Variants in RBFOX1 observed in about 807,000 individuals in gnomAD.
The protein encoded by RBFOX1 is RNA binding protein fox-1 homolog 1.
RBFOX1 carries 8 observed loss-of-function variants against 57.7 expected under a neutral mutation model. The observed-to-expected ratio is 0.14, with a 90% CI of 0.08 to 0.25. The LOEUF (loss-of-function observed/expected upper bound fraction) is 0.25, where lower values mean the gene tolerates loss of function less well. Among genes scored for constraint, RBFOX1 ranks in the 10% least tolerant of loss-of-function variants. The probability of loss-of-function intolerance (pLI) is 1.00; values close to 1 mark genes in which losing one functional copy is unlikely to be tolerated. For missense variants in RBFOX1, 611 were observed against 548.5 expected, an observed-to-expected ratio of 1.11 and a Z score of -1.14; for synonymous variants, 326 against 222.4, an observed-to-expected ratio of 1.47 and a Z score of -4.15.
chr16:5,802,151 C>T (rs1475377602), intron 3 of RBFOX1, among the ~76,000 whole-genome samples: 1 of 152,112 alleles, frequency 6.6e-6, no homozygotes, highest in Non-Finnish European at 1.5e-5. Context: ...GTTTAACTCC[C>T]CTTACTCCAT....
At chr16:6,269,190 A>C (rs998129374) in intron 1 of RBFOX1, among the ~76,000 whole-genome samples, 2 of 152,256 alleles carry the variant, frequency 1.3e-5, no homozygotes, top group Non-Finnish European at 2.9e-5. Flanking sequence ...ATGCTTAAGC[A>C]AAAATTATAC....
chr16:6,958,610 G>A (rs563390455), intron 3 of RBFOX1, among the ~76,000 whole-genome samples: 37 of 152,286 alleles, frequency 2.4e-4, no homozygotes, highest in Admixed American at 9.8e-4. Context: ...GGGAACGCAC[G>A]CTCAGAGTAG....
intron 4 of RBFOX1, among the ~76,000 whole-genome samples, chr16:5,925,598 A>T (rs1597816263): frequency 6.6e-6 from 1 of 152,232 alleles, no homozygotes; most frequent in South Asian, 2.1e-4. Context: ...AATGTACTAA[A>T]TGCCACTGAA....
intron 4 of RBFOX1, among the ~76,000 whole-genome samples, chr16:7,416,726 A>G: frequency 6.8e-6 from 1 of 147,844 alleles, no homozygotes; most frequent in South Asian, 2.1e-4. Flanking sequence ...GACTTTAGGG[A>G]TGTTTTTTTT....
chr16:6,579,213 T>G (rs1035058710), intron 2 of RBFOX1, among the ~76,000 whole-genome samples: 3 of 152,130 alleles, frequency 2.0e-5, no homozygotes, highest in African/African-American at 7.2e-5. Flanking sequence ...TATTGTTGTT[T>G]TTGTTTTTGA....
intron 14 of RBFOX1, among the ~76,000 whole-genome samples, chr16:7,700,288 AT>A (rs1285591636): frequency 6.6e-6 from 1 of 152,146 alleles, no homozygotes; most frequent in Non-Finnish European, 1.5e-5. Flanking sequence ...TTAACTAGTA[AT>A]CATAACCCTC....
chr16:6,650,046 C>G (rs574125192), intron 2 of RBFOX1, among the ~76,000 whole-genome samples: 1 of 152,276 alleles, frequency 6.6e-6, no homozygotes, highest in African/African-American at 2.4e-5. Context: ...GCAGAGATCT[C>G]TTTGACATAC....
chr16:6,153,037 T>TG (rs1243849176), intron 1 of RBFOX1, among the ~76,000 whole-genome samples: 1 of 148,968 alleles, frequency 6.7e-6, no homozygotes, highest in African/African-American at 2.5e-5. Context: ...TTTTCTGTTT[T>TG]TTTTTTTTTT....
chr16:6,708,907 T>C (rs2063251387), intron 3 of RBFOX1, among the ~76,000 whole-genome samples: 2 of 152,060 alleles, frequency 1.3e-5, no homozygotes, highest in South Asian at 4.1e-4. Flanking sequence ...TCCCACTCCA[T>C]TGCGTCCCCA....
At position 5,536,689 on chromosome 16, in the gene RBFOX1, A is replaced by G. The variant is rs141456673; in HGVS notation, c.259-62213A>G. ...CACTCCCATAACATTAGGAGTTTAT[A>G]TAGCAGAGAAGGGAAATGGAACAAG... On this transcript the variant is annotated intron_variant, in intron 2 of 2. Transcript: ENST00000585867. Among the ~76,000 whole-genome samples, 724 of 152,286 alleles carry G rather than the reference A, an allele frequency of 4.8e-3. 5 individuals are homozygous for G. Among genetic ancestry groups the G allele is most frequent in the Non-Finnish European group, 7.8e-3 (533 of 68,014 alleles).
intron 3 of RBFOX1, among the ~76,000 whole-genome samples, chr16:5,695,220 C>T (rs1374072686): frequency 1.3e-5 from 2 of 151,998 alleles, no homozygotes; most frequent in African/African-American, 4.8e-5. Flanking sequence ...ATTTTTTACT[C>T]TAATATTGAA....
intron 3 of RBFOX1, among the ~76,000 whole-genome samples, chr16:5,821,892 G>C (rs1307990103): frequency 6.6e-6 from 1 of 152,136 alleles, no homozygotes; most frequent in African/African-American, 2.4e-5. Flanking sequence ...ATAAGGCACG[G>C]AGCCTTCATG....
chr16:5,585,369 G>C (rs932179648), intron 2 of RBFOX1, among the ~76,000 whole-genome samples: 1 of 152,186 alleles, frequency 6.6e-6, no homozygotes, highest in Non-Finnish European at 1.5e-5. Flanking sequence ...ATAATATTCT[G>C]TTGTATGGCT....
At chr16:7,098,110 AG>A (rs1189387234) in intron 4 of RBFOX1, among the ~76,000 whole-genome samples, 2 of 152,222 alleles carry the variant, frequency 1.3e-5, no homozygotes, top group Non-Finnish European at 2.9e-5. Context: ...AAGTGAGGAA[AG>A]GAACACAATT....
chr16:7,087,248 G>T (rs1319302756), intron 4 of RBFOX1, among the ~76,000 whole-genome samples: 1 of 152,186 alleles, frequency 6.6e-6, no homozygotes, highest in South Asian at 2.1e-4. Flanking sequence ...TGGCCTCCCA[G>T]AGTCACCGGC....
intron 3 of RBFOX1, among the ~76,000 whole-genome samples, chr16:6,811,027 C>G (rs1567350935): frequency 2.0e-5 from 3 of 152,166 alleles, no homozygotes; most frequent in East Asian, 1.9e-4. Flanking sequence ...AGAACACACA[C>G]AGAAAAACTG....
chr16:6,698,520 C>G (rs1358030711), intron 3 of RBFOX1, among the ~76,000 whole-genome samples: 6 of 152,172 alleles, frequency 3.9e-5, no homozygotes, highest in African/African-American at 9.7e-5. Flanking sequence ...GCGCTTAACT[C>G]TTTCTTTTGT....
intron 4 of RBFOX1, among the ~76,000 whole-genome samples, chr16:7,465,091 G>C (rs982716916): frequency 1.3e-5 from 2 of 152,020 alleles, no homozygotes; most frequent in Non-Finnish European, 2.9e-5. Context: ...CCCGGTGTCT[G>C]CTAAGCTCAT....
At chr16:7,519,638 T>C in intron 5 of RBFOX1, 16 of 956,504 alleles carry the variant, frequency 1.7e-5, no homozygotes, top group Non-Finnish European at 2.0e-5. Flanking sequence ...GAACATGCAT[T>C]TGGGAACCTT....
Sources: allele counts gnomAD v4.1 joint callset (sites outside exome capture counted in the v4.1 genomes callset), GRCh38; gene constraint gnomAD v4.1.1; transcripts MANE v1.5; gene names NCBI Gene and HGNC (gene_info 2026-07-23, HGNC 2026-07-21).